Variants in RAB31 observed in about 807,000 individuals in gnomAD.
The protein encoded by RAB31 is RAB31, member RAS oncogene family.
A neutral mutation model predicts 25.6 loss-of-function variants in RAB31; 21 were observed. The ratio of observed to expected loss-of-function variants is 0.82; its 90% CI spans 0.58 to 1.18. The LOEUF is 1.18. Ranked by LOEUF, RAB31 falls within the 50% of genes most tolerant of loss-of-function variation. The pLI is 0.00. For missense variants in RAB31, 196 were observed against 250.1 expected, an observed-to-expected ratio of 0.78 and a Z score of 1.46; for synonymous variants, 87 against 84.0, an observed-to-expected ratio of 1.04 and a Z score of -0.20.
At chr18:9,781,406 T>G (rs2068403516) in intron 2 of RAB31, among the ~76,000 whole-genome samples, 1 of 152,164 alleles carries the variant, frequency 6.6e-6, no homozygotes, top group Admixed American at 6.5e-5. Flanking sequence ...AACCTTTACC[T>G]CCCAGGTTCA....
chr18:9,828,272 G>A (rs1039223559), intron 5 of RAB31, among the ~76,000 whole-genome samples: 1 of 152,162 alleles, frequency 6.6e-6, no homozygotes, highest in African/African-American at 2.4e-5. Context: ...CCAGGATGGT[G>A]CCCGCCTCGG....
At chr18:9,812,034 C>T (rs1054411708) in intron 3 of RAB31, among the ~76,000 whole-genome samples, 1 of 152,218 alleles carries the variant, frequency 6.6e-6, no homozygotes, top group Non-Finnish European at 1.5e-5. Context: ...GGCCCCCTTT[C>T]TGGTATGCAG....
At chr18:9,838,517 C>G (rs910248200) in intron 5 of RAB31, among the ~76,000 whole-genome samples, 2 of 152,170 alleles carry the variant, frequency 1.3e-5, no homozygotes, top group Non-Finnish European at 2.9e-5. Flanking sequence ...TTCTGGTGTA[C>G]CTGTCTTCTA....
Position 9,716,071 on chromosome 18 carries a change from A to G in RAB31, c.39+7627A>G, listed in dbSNP as rs371269744. Among the ~76,000 whole-genome samples the G allele has an allele frequency of 7.9e-5, 12 of 152,264 alleles. No homozygotes were observed. The East Asian group carries it at 1.4e-3, about 17-fold the overall frequency. On this transcript the variant is annotated intron_variant, in intron 1 of 6. Transcript: ENST00000578921. ...TTGCCCCCAAATGTCCTTTCCAGCT[A>G]TTTAAAGGGTCCAGTTAGAGATCAT...
intron 5 of RAB31, among the ~76,000 whole-genome samples, chr18:9,824,961 G>A (rs1172337085): frequency 2.0e-5 from 3 of 152,190 alleles, no homozygotes; most frequent in Non-Finnish European, 2.9e-5. Flanking sequence ...GTAACCCCCC[G>A]TCCTTCCTGC....
intron 3 of RAB31, among the ~76,000 whole-genome samples, chr18:9,793,683 G>A (rs571630475): frequency 2.6e-5 from 4 of 151,854 alleles, no homozygotes; most frequent in South Asian, 4.2e-4. Context: ...AAGTTGAAAC[G>A]GATAGCCAGA....
At chr18:9,857,723 G>GATAGATAGAT (rs2068826014) in intron 6 of RAB31, among the ~76,000 whole-genome samples, 1 of 150,702 alleles carries the variant, frequency 6.6e-6, no homozygotes, top group African/African-American at 2.5e-5. Flanking sequence ...TAGATAGATA[G>GATAGATAGAT]ATAGATATAG....
chr18:9,801,756 A>G (rs1241980682), intron 3 of RAB31, among the ~76,000 whole-genome samples: 1 of 152,182 alleles, frequency 6.6e-6, no homozygotes, highest in East Asian at 1.9e-4. Flanking sequence ...GTCTTTGCCT[A>G]ACCTAAGGTC....
chr18:9,733,322 A>G (rs1230418835), intron 1 of RAB31, among the ~76,000 whole-genome samples: 9 of 152,206 alleles, frequency 5.9e-5, no homozygotes, highest in Admixed American at 5.9e-4. Flanking sequence ...TCCTCCCACC[A>G]GGTTAGAACC....
At chr18:9,793,791 T>C (rs2068473566) in intron 3 of RAB31, among the ~76,000 whole-genome samples, 1 of 152,174 alleles carries the variant, frequency 6.6e-6, no homozygotes, top group Non-Finnish European at 1.5e-5. Flanking sequence ...ATTGGTAGAA[T>C]TTTCCCTTGT....
At position 9,813,578 on chromosome 18, in the gene RAB31, G is replaced by A. The variant is rs550869645; in HGVS notation, c.202-442G>A. ...TTTCATATGAACTCTGGGGCCGGGT[G>A]CGGTAGCTCACACCTGTAATACCAG... On this transcript the variant is annotated intron_variant, in intron 3 of 6. Coordinates refer to ENST00000578921, the MANE Select transcript of RAB31 (RefSeq NM_006868.4). Among the ~76,000 whole-genome samples the A allele has an allele frequency of 9.1e-4, 138 of 152,328 alleles. 2 individuals are homozygous for A. The highest frequency in any genetic ancestry group is 3.2e-3 in the African/African-American group (133 of 41,570).
In RAB31 at chr18:9,770,273, C is replaced by T. The variant is rs1041291000; in HGVS notation, c.40-5005C>T. On this transcript the variant is annotated intron_variant, in intron 1 of 6. Coordinates refer to ENST00000578921, the MANE Select transcript of RAB31 (RefSeq NM_006868.4). ...GTTTCAAAAGGAATGTTAGCAGCTC[C>T]TCCTTGTAGTGGGAGGTATCATTCT... Among the ~76,000 whole-genome samples, 32 of 152,258 alleles carry T rather than the reference C, an allele frequency of 2.1e-4. No homozygotes were observed. The East Asian group carries it at 5.6e-3, about 27-fold the overall frequency.
At chr18:9,808,510 G>A (rs1054562235) in intron 3 of RAB31, among the ~76,000 whole-genome samples, 3 of 152,204 alleles carry the variant, frequency 2.0e-5, no homozygotes, top group Admixed American at 6.5e-5. Flanking sequence ...GCATTCTTCT[G>A]AATGGCACAG....
At chr18:9,743,030 G>C (rs912513207) in intron 1 of RAB31, among the ~76,000 whole-genome samples, 2 of 152,162 alleles carry the variant, frequency 1.3e-5, no homozygotes, top group African/African-American at 4.8e-5. Flanking sequence ...AACATGGTTT[G>C]GACTTGTCCA....
intron 1 of RAB31, among the ~76,000 whole-genome samples, chr18:9,721,696 C>T (rs532843845): frequency 3.8e-4 from 58 of 152,032 alleles, no homozygotes; most frequent in African/African-American, 1.4e-3. Context: ...TTACTGAGTG[C>T]CTGCTGTATA....
At chr18:9,813,315 G>A (rs1367414454) in intron 3 of RAB31, among the ~76,000 whole-genome samples, 3 of 152,130 alleles carry the variant, frequency 2.0e-5, no homozygotes, top group Admixed American at 6.5e-5. Flanking sequence ...TGTGATCTTT[G>A]CCAGTGTTCC....
At chr18:9,745,288 A>G (rs1051301760) in intron 1 of RAB31, among the ~76,000 whole-genome samples, 10 of 152,204 alleles carry the variant, frequency 6.6e-5, no homozygotes, top group Non-Finnish European at 1.3e-4. Flanking sequence ...TAAAACAAGT[A>G]AGGAGAATCA....
intron 5 of RAB31, among the ~76,000 whole-genome samples, chr18:9,827,673 C>T (rs1420207315): frequency 1.3e-5 from 2 of 152,056 alleles, no homozygotes; most frequent in Non-Finnish European, 2.9e-5. Flanking sequence ...GAGTAGAGGT[C>T]ATACACCAAG....
At chr18:9,763,994 T>G (rs1331524559) in intron 1 of RAB31, among the ~76,000 whole-genome samples, 1 of 152,202 alleles carries the variant, frequency 6.6e-6, no homozygotes, top group Non-Finnish European at 1.5e-5. Flanking sequence ...TAAGTTTTCC[T>G]ATGGAAACAA....
Sources: gnomAD v4.1 joint callset for allele counts (sites outside exome capture counted in the v4.1 genomes callset) on GRCh38, gnomAD v4.1.1 for gene constraint, MANE v1.5 for transcripts, NCBI Gene and HGNC (gene_info 2026-07-23, HGNC 2026-07-21) for gene names.